The following CTDP1 variants were observed in gnomAD, a reference collection of about 807,000 sequenced individuals.
CTDP1 encodes CTD phosphatase 1.
A neutral mutation model predicts 91.8 loss-of-function variants in CTDP1; 47 were observed. The observed-to-expected ratio is 0.51, with a 90% CI of 0.41 to 0.65. CTDP1 has a LOEUF of 0.65. Ranked by LOEUF, CTDP1 falls within the 30% of genes least tolerant of loss-of-function variation. The pLI is 0.00. For missense variants in CTDP1, 1,272 were observed against 1,373.7 expected (o/e 0.93, Z 1.17); for synonymous variants, 656 against 598.5 (o/e 1.10, Z -1.40).
intron 12 of CTDP1, among the ~76,000 whole-genome samples, chr18:79,753,382 C>T (rs1219349965): frequency 2.0e-5 from 3 of 152,202 alleles, no homozygotes; most frequent in South Asian, 2.1e-4. Context: ...CATGAGCGGC[C>T]GGAACGTGCA....
At chr18:79,750,202 CAG>C (rs1188237688) in intron 12 of CTDP1, among the ~76,000 whole-genome samples, 1 of 151,788 alleles carries the variant, frequency 6.6e-6, no homozygotes, top group Non-Finnish European at 1.5e-5. Context: ...TTTTTTAAGA[CAG>C]GGTCTTGCTC....
At chr18:79,742,198 G>A (rs974496005) in intron 12 of CTDP1, among the ~76,000 whole-genome samples, 1 of 143,326 alleles carries the variant, frequency 7.0e-6, no homozygotes, top group Non-Finnish European at 1.5e-5. Context: ...GAGAGAGAGA[G>A]AGAGAGAGAG....
At chr18:79,742,111 G>A (rs1448428052) in intron 12 of CTDP1, among the ~76,000 whole-genome samples, 7 of 13,536 alleles carry the variant, frequency 5.2e-4, no homozygotes, top group African/African-American at 6.9e-4. Flanking sequence ...GGAGGCATGA[G>A]GTGGAGGCCT....
chr18:79,747,676 G>A (rs757113428), intron 12 of CTDP1, among the ~76,000 whole-genome samples: 2 of 152,230 alleles, frequency 1.3e-5, no homozygotes, highest in African/African-American at 2.4e-5. Context: ...GAAATTATCC[G>A]CCATGCGCAG....
At position 79,714,730 on chromosome 18, in the gene CTDP1, G is replaced by A. The variant is rs1410735314; in HGVS notation, c.1270G>A (p.Glu424Lys). 3 of 1,602,562 alleles carry A rather than the reference G, an allele frequency of 1.9e-6. No homozygotes were observed. In the African/African-American group the frequency reaches 4.0e-5, roughly 21 times the overall value. ...CAGCCAAGAGCTGGCAGGCGCTCCT[G>A]AGCCCCAGGGATCCTGTGCGCAGGG... is the stretch of plus-strand genomic sequence containing the variant. The part of the protein sequence containing the change: ...TSSQELAGAP[E>K]PQGSCAQGGR... Residue 424 changes from glutamate (E) to lysine (K), a missense_variant, in exon 8 of 13, where the codon GAG (glutamate) becomes AAG (lysine). This residue lies in a region of CTDP1 where 881 missense variants were observed against 911.6 expected (regional missense o/e 0.97). Coordinates refer to ENST00000613122, the MANE Select transcript of CTDP1 (RefSeq NM_004715.5).
At chr18:79,703,338 A>T (rs1390870963) in intron 4 of CTDP1, among the ~76,000 whole-genome samples, 1 of 152,184 alleles carries the variant, frequency 6.6e-6, no homozygotes, top group Non-Finnish European at 1.5e-5. Flanking sequence ...CCTTTTTTTA[A>T]AGCCATTAAG....
chr18:79,721,111 G>A (rs904010366), intron 10 of CTDP1, among the ~76,000 whole-genome samples: 1 of 152,136 alleles, frequency 6.6e-6, no homozygotes, highest in Non-Finnish European at 1.5e-5. Context: ...CCCACACGCT[G>A]CCCACTTGCT....
At chr18:79,745,189 TG>T (rs2086855023) in intron 12 of CTDP1, among the ~76,000 whole-genome samples, 1 of 152,170 alleles carries the variant, frequency 6.6e-6, no homozygotes, top group African/African-American at 2.4e-5. Context: ...ATAATTTTTG[TG>T]GGGAAGATGA....
In CTDP1 at chr18:79,745,374, C is replaced by T. The variant is rs867561138; in HGVS notation, c.2748-8278C>T. Among the ~76,000 whole-genome samples, 260 of 32,532 alleles carry T rather than the reference C, an allele frequency of 8.0e-3. 3 individuals carry two copies. Among genetic ancestry groups the T allele is most frequent in the Middle Eastern group, 0.02 (1 of 50 alleles). The allele number at this position is 32,532 out of a possible 152,430, so 21.3% of individuals were successfully genotyped here. On this transcript the variant is annotated intron_variant, in intron 12 of 12. Transcript: ENST00000613122. ...GTCCCTCCCGTGCGCGTTCTGTGCC[C>T]GCGTCCCTCCCGTGCGCGTTCTGTC...
chr18:79,749,373 G>A (rs1356820636), intron 12 of CTDP1, among the ~76,000 whole-genome samples: 1 of 151,800 alleles, frequency 6.6e-6, no homozygotes, highest in Non-Finnish European at 1.5e-5. Flanking sequence ...CCAACCCAGC[G>A]TCGCTGTGAG....
intron 1 of CTDP1, among the ~76,000 whole-genome samples, chr18:79,694,245 TG>T (rs2085691817): frequency 7.7e-6 from 1 of 130,026 alleles, no homozygotes; most frequent in East Asian, 2.3e-4. Context: ...CCGGCTGGGA[TG>T]GGAGTGTGGG....
chr18:79,734,525 G>A (rs1037089560), intron 11 of CTDP1, among the ~76,000 whole-genome samples: 14 of 151,046 alleles, frequency 9.3e-5, no homozygotes, highest in Non-Finnish European at 1.0e-4. Context: ...GGCACGTGCC[G>A]GGCTGCCCTG....
chr18:79,744,643 G>C (rs1015839077), intron 12 of CTDP1, among the ~76,000 whole-genome samples: 8 of 152,230 alleles, frequency 5.3e-5, no homozygotes, highest in Non-Finnish European at 1.0e-4. Context: ...ATAACGGATG[G>C]AATTACGATG....
intron 1 of CTDP1, among the ~76,000 whole-genome samples, chr18:79,693,058 C>T (rs1359358779): frequency 6.6e-6 from 1 of 152,094 alleles, no homozygotes; most frequent in Non-Finnish European, 1.5e-5. Flanking sequence ...TGCCAGGCAT[C>T]GGAGAGGAGC....
chr18:79,748,137 A>G (rs558106085), intron 12 of CTDP1, among the ~76,000 whole-genome samples: 11 of 152,352 alleles, frequency 7.2e-5, no homozygotes, highest in Admixed American at 4.6e-4. Context: ...TGTTATGCTG[A>G]GGAAGTGAAG....
intron 5 of CTDP1, among the ~76,000 whole-genome samples, chr18:79,707,769 A>T (rs997181716): frequency 7.2e-5 from 11 of 152,156 alleles, no homozygotes; most frequent in Admixed American, 2.0e-4. Context: ...TGTAGAGATG[A>T]CCTGGGTCAG....
intron 2 of CTDP1, among the ~76,000 whole-genome samples, chr18:79,695,751 G>A (rs1769982551): frequency 6.6e-6 from 1 of 152,206 alleles, no homozygotes; most frequent in Non-Finnish European, 1.5e-5. Flanking sequence ...TTTTCATGAA[G>A]GACTATGGCT....
chr18:79,735,554 C>T (rs2086650488), intron 11 of CTDP1: 1 of 152,552 alleles, frequency 6.6e-6, no homozygotes, highest in Non-Finnish European at 1.5e-5. Flanking sequence ...GGTGTAAGTT[C>T]TTTCTGTGCG....
intron 12 of CTDP1, among the ~76,000 whole-genome samples, chr18:79,742,267 A>T (rs1453695523): frequency 6.9e-6 from 1 of 145,806 alleles, no homozygotes; most frequent in East Asian, 2.0e-4. Flanking sequence ...GCAGCAGAGG[A>T]GGTGTGAGGT....
Sources: gnomAD v4.1 joint callset for allele counts (sites outside exome capture counted in the v4.1 genomes callset) on GRCh38, gnomAD v4.1.1 for gene constraint, gnomAD v4.1.1 regional missense constraint, MANE v1.5 for transcripts, NCBI Gene and HGNC (gene_info 2026-07-23, HGNC 2026-07-21) for gene names.